The following TPH2 variants were observed in gnomAD, a reference collection of about 807,000 sequenced individuals.
TPH2 encodes the protein tryptophan hydroxylase 2.
TPH2 carries 27 observed loss-of-function variants against 59.1 expected under a neutral mutation model. That is an observed-to-expected ratio of 0.46 (90% CI 0.34 to 0.63). TPH2 has a LOEUF of 0.63. Ranked by LOEUF, TPH2 falls within the 30% of genes least tolerant of loss-of-function variation. The pLI, the probability that TPH2 is intolerant of heterozygous loss-of-function variation, is 0.01. For missense variants in TPH2, 523 were observed against 588.3 expected, an observed-to-expected ratio of 0.89 and a Z score of 1.15; for synonymous variants, 220 against 210.5, an observed-to-expected ratio of 1.05 and a Z score of -0.39.
At chr12:71,941,762 T>A (rs1871075975) in intron 2 of TPH2, 29 bp downstream of exon 2, 1 of 1,607,232 alleles carries the variant, frequency 6.2e-7, no homozygotes, top group South Asian at 1.1e-5. Context: ...TACATAATTT[T>A]AAAAGTGACC....
intron 5 of TPH2, chr12:71,962,267 T>C (rs975928878): frequency 1.1e-5 from 11 of 985,324 alleles, no homozygotes; most frequent in Non-Finnish European, 1.3e-5. Flanking sequence ...TGTAAAAAAA[T>C]ATTATTAAAT....
chr12:72,009,935 A>G (rs1205627529), intron 8 of TPH2, among the ~76,000 whole-genome samples: 1 of 152,248 alleles, frequency 6.6e-6, no homozygotes, highest in Non-Finnish European at 1.5e-5. Flanking sequence ...ACTTGATTCC[A>G]ATCTACTTCT....
At chr12:72,018,841 T>TA (rs948712121) in intron 8 of TPH2, among the ~76,000 whole-genome samples, 1 of 152,258 alleles carries the variant, frequency 6.6e-6, no homozygotes, top group Non-Finnish European at 1.5e-5. Context: ...ATTAATTTTT[T>TA]ATCTAGAAAC....
intron 5 of TPH2, among the ~76,000 whole-genome samples, chr12:71,958,440 A>C (rs556743009): frequency 6.6e-6 from 1 of 152,228 alleles, no homozygotes; most frequent in East Asian, 1.9e-4. Context: ...CATTTGTAAA[A>C]GTTATTCTCC....
chr12:71,979,297 C>G (rs1469719822), intron 7 of TPH2, among the ~76,000 whole-genome samples: 1 of 152,158 alleles, frequency 6.6e-6, no homozygotes, highest in Non-Finnish European at 1.5e-5. Flanking sequence ...AGCTCTGGCT[C>G]GATGCTCTAG....
At chr12:71,973,759 A>G (rs1332794299) in intron 6 of TPH2, among the ~76,000 whole-genome samples, 1 of 152,066 alleles carries the variant, frequency 6.6e-6, no homozygotes. Context: ...CTGGAATGGG[A>G]CCCCTTTCTG....
chr12:71,957,778 G>T (rs1871553304), intron 5 of TPH2, among the ~76,000 whole-genome samples: 1 of 152,184 alleles, frequency 6.6e-6, no homozygotes, highest in Admixed American at 6.5e-5. Flanking sequence ...CACATAGTTT[G>T]CTTCTTTAAT....
chr12:71,979,184 A>T, intron 7 of TPH2, 97 bp downstream of exon 7: 1 of 1,522,228 alleles, frequency 6.6e-7, no homozygotes, highest in East Asian at 2.2e-5. Context: ...CCTCCAAACT[A>T]ATTTCCTTGA....
rs567215546 is a variant in TPH2, at chr12:71,962,207, C to T, written c.609-10312C>T. ...TGACTTGAATGTTTTGAAATTCAGG[C>T]ATCATTTAGATGGTTGTTAAGTTGC... On this transcript the variant is annotated intron_variant, in intron 5 of 10. Transcript: ENST00000333850. The T allele has an allele frequency of 1.5e-5, 15 of 985,804 alleles. No homozygotes were observed. The East Asian group carries it at 9.1e-4, about 60-fold the overall frequency. 61.1% of individuals were successfully genotyped at this position (985,804 alleles called of 1,614,324 possible).
At position 71,962,487 on chromosome 12, in the gene TPH2, A is replaced by G. The variant is rs570339069; in HGVS notation, c.609-10032A>G. The G allele has an allele frequency of 4.3e-5, 42 of 985,252 alleles. No homozygotes were observed. In the African/African-American group the frequency reaches 5.8e-4, roughly 13 times the overall value. 61.0% of individuals were successfully genotyped at this position (985,252 alleles called of 1,614,324 possible). On this transcript the variant is annotated intron_variant, in intron 5 of 10. Transcript: ENST00000333850. Reference sequence around the variant, plus strand: ...TCAGGAAAACTGAATTGAGAAAATTAGAAAAAAGAAACCCTTATATGTAAA... The same window carrying G: ...TCAGGAAAACTGAATTGAGAAAATTGGAAAAAAGAAACCCTTATATGTAAA...
chr12:71,984,801 C>A (rs1872383091), intron 7 of TPH2, among the ~76,000 whole-genome samples: 1 of 152,196 alleles, frequency 6.6e-6, no homozygotes, highest in Non-Finnish European at 1.5e-5. Flanking sequence ...ATCTGGCCTA[C>A]CTTTCCTGCT....
rs77268168 is a variant in TPH2 at position 71,978,968 on chromosome 12, G to A, written c.822G>A (p.Thr274=). 1.3e-5 allele frequency: 21 copies of A among 1,614,058 alleles called. No individual in the cohort carries two copies. The highest frequency in any genetic ancestry group is 9.9e-5 in the South Asian group (9 of 91,064). ...SMFLKERSGF[T]VRPVAGYLSP... Reference sequence around the variant, plus strand: ...CCTTTTTAGAAAGGTCTGGCTTCACGGTGAGGCCGGTGGCTGGATACCTGA... The same window carrying A: ...CCTTTTTAGAAAGGTCTGGCTTCACAGTGAGGCCGGTGGCTGGATACCTGA... Residue 274 remains threonine (T), a synonymous_variant, in exon 7 of 11, where the codon ACG becomes ACA. Coordinates refer to ENST00000333850, the MANE Select transcript of TPH2 (RefSeq NM_173353.4).
chr12:71,940,605 A>C (rs1366401337), intron 1 of TPH2, among the ~76,000 whole-genome samples: 1 of 152,146 alleles, frequency 6.6e-6, no homozygotes, highest in East Asian at 1.9e-4. Context: ...AAGAATATAA[A>C]ACAGACCACA....
At chr12:71,952,228 T>A (rs572049961) in intron 5 of TPH2, among the ~76,000 whole-genome samples, 13 of 152,246 alleles carry the variant, frequency 8.5e-5, no homozygotes, top group African/African-American at 3.1e-4. Flanking sequence ...TTGCCACCTT[T>A]GCATAGCTAA....
intron 8 of TPH2, among the ~76,000 whole-genome samples, chr12:71,995,691 G>A (rs1448227232): frequency 2.0e-5 from 3 of 152,164 alleles, no homozygotes. Context: ...GACAAGGACA[G>A]CATGTCTCTT....
intron 8 of TPH2, among the ~76,000 whole-genome samples, chr12:72,015,949 T>C (rs1023172781): frequency 1.3e-5 from 2 of 152,186 alleles, no homozygotes; most frequent in Non-Finnish European, 2.9e-5. Context: ...TTTCAGTATT[T>C]CAACAACAGG....
intron 7 of TPH2, among the ~76,000 whole-genome samples, chr12:71,984,901 G>C (rs1244385173): frequency 6.6e-6 from 1 of 152,202 alleles, no homozygotes; most frequent in Non-Finnish European, 1.5e-5. Flanking sequence ...CAGTTAAGAT[G>C]TTAGAGGCCC....
At chr12:72,014,669 G>C (rs967018960) in intron 8 of TPH2, among the ~76,000 whole-genome samples, 1 of 152,120 alleles carries the variant, frequency 6.6e-6, no homozygotes, top group Non-Finnish European at 1.5e-5. Context: ...GGGATTACAG[G>C]CGTGAACCAC....
rs2139203688 is a variant in TPH2, at chr12:71,972,649, A to G, written c.739A>G (p.Thr247Ala). ...GTATTTGAAAAACTTCCCTCTGCTG[A>G]CTAAATACTGTGGCTACAGAGAGGA... ...REYLKNFPLL[T>A]KYCGYREDNV... Residue 247 changes from threonine to alanine, a missense_variant, in exon 6 of 11, where the codon ACT (threonine) becomes GCT (alanine). Physicochemically the swap from Thr to Ala is moderately conservative, Grantham distance 58. Transcript: ENST00000333850. The G allele has an allele frequency of 6.2e-7, 1 of 1,614,176 alleles. No individual in the cohort carries two copies. The highest frequency in any genetic ancestry group is 1.1e-5 in the South Asian group (1 of 91,088).
Sources: allele counts gnomAD v4.1 joint callset (sites outside exome capture counted in the v4.1 genomes callset), GRCh38; gene constraint gnomAD v4.1.1; transcripts MANE v1.5; gene names NCBI Gene and HGNC (gene_info 2026-07-23, HGNC 2026-07-21).